Variants in PLD1 observed in about 807,000 individuals in gnomAD.
PLD1 encodes choline phosphatase 1.
A neutral mutation model predicts 137.1 loss-of-function variants in PLD1; 112 were observed. The ratio of observed to expected loss-of-function variants is 0.82; its 90% confidence interval spans 0.70 to 0.96. The LOEUF is 0.96. Among genes scored for constraint, PLD1 ranks in the 40% least tolerant of loss-of-function variants. The pLI, the probability that PLD1 is intolerant of heterozygous loss-of-function variation, is 0.00. For missense variants in PLD1, 1,321 were observed against 1,342.0 expected (o/e 0.98, Z 0.24); for synonymous variants, 431 against 454.7 (o/e 0.95, Z 0.66).
At chr3:171,739,937 C>A (rs1719649547) in intron 1 of PLD1, among the ~76,000 whole-genome samples, 1 of 151,930 alleles carries the variant, frequency 6.6e-6, no homozygotes, top group African/African-American at 2.4e-5. Context: ...AAATAAGTAC[C>A]CTGGGGCAAG....
chr3:171,710,869 G>GTTATTTTTTTTTTT, intron 9 of PLD1, among the ~76,000 whole-genome samples: 1 of 98,656 alleles, frequency 1.0e-5, no homozygotes, highest in African/African-American at 5.5e-5. Flanking sequence ...TAGGAAAACT[G>GTTATTTTTTTTTTT]TTCTTTTTTT....
intron 11 of PLD1, among the ~76,000 whole-genome samples, chr3:171,700,368 G>A (rs186873973): frequency 1.5e-3 from 222 of 145,974 alleles, no homozygotes; most frequent in Middle Eastern, 7.1e-3. Context: ...CCTCTCTTTC[G>A]CTCTCTCTCC....
chr3:171,751,188 C>A (rs9864877), intron 1 of PLD1, among the ~76,000 whole-genome samples: 21,197 of 152,018 alleles, frequency 0.14, 1,546 homozygotes, highest in South Asian at 0.22. Flanking sequence ...CAAATATGAA[C>A]AACAAATATT....
intron 19 of PLD1, among the ~76,000 whole-genome samples, chr3:171,669,163 C>A (rs2108457679): frequency 6.6e-6 from 1 of 152,312 alleles, no homozygotes; most frequent in African/African-American, 2.4e-5. Flanking sequence ...CTCTCCCTGG[C>A]TGGCTGTGTC....
intron 1 of PLD1, among the ~76,000 whole-genome samples, chr3:171,808,397 G>A (rs547072639): frequency 1.6e-4 from 25 of 152,196 alleles, no homozygotes; most frequent in Admixed American, 2.6e-4. Context: ...TCAACCGGGC[G>A]TGGCAGCAGG....
At position 171,646,759 on chromosome 3, in the gene PLD1, G is replaced by A. The variant is rs543180370; in HGVS notation, c.2430-1736C>T. Among the ~76,000 whole-genome samples the A allele has an allele frequency of 9.2e-5, 14 of 151,652 alleles. No homozygotes were observed. In the South Asian group the frequency reaches 2.9e-3, roughly 32 times the overall value. ...ATTTAAAAGTCAAAAAATTAAACTG[G>A]ACAGTTAAAAATGGATGTCATTTGG... is the stretch of plus-strand genomic sequence containing the variant. On this transcript the variant is annotated intron_variant, in intron 21 of 26. Transcript: ENST00000351298.
chr3:171,660,028 G>A (rs1737536963), intron 20 of PLD1, among the ~76,000 whole-genome samples: 1 of 152,170 alleles, frequency 6.6e-6, no homozygotes, highest in Non-Finnish European at 1.5e-5. Flanking sequence ...ATAAAGGAAT[G>A]TGAAAAATTT....
intron 1 of PLD1, among the ~76,000 whole-genome samples, chr3:171,775,478 T>C (rs1174974132): frequency 6.6e-6 from 1 of 152,038 alleles, no homozygotes; most frequent in East Asian, 1.9e-4. Flanking sequence ...TTCTGTAGAG[T>C]GGTTCATTAG....
intron 21 of PLD1, among the ~76,000 whole-genome samples, chr3:171,647,835 T>A (rs75168122): frequency 0.17 from 26,584 of 152,000 alleles, 2,433 homozygotes; most frequent in South Asian, 0.24. Flanking sequence ...CTTTTCAACA[T>A]CCCAGACAGA....
chr3:171,674,218 T>A (rs1196230713), intron 19 of PLD1, among the ~76,000 whole-genome samples: 2 of 152,234 alleles, frequency 1.3e-5, no homozygotes, highest in Admixed American at 1.3e-4. Flanking sequence ...TTACTGGGTA[T>A]CATGTTGCTA....
At chr3:171,703,745 C>T (rs1716436993) in intron 11 of PLD1, among the ~76,000 whole-genome samples, 1 of 152,112 alleles carries the variant, frequency 6.6e-6, no homozygotes, top group Admixed American at 6.6e-5. Flanking sequence ...ATTTTTCTCC[C>T]TTTGATTCCT....
rs1037687773 is a variant in PLD1, at chr3:171,644,912, G to A, written c.2541C>T (p.Tyr847=). 3 of 1,591,224 alleles carry A rather than the reference G, an allele frequency of 1.9e-6. No individual in the cohort carries two copies. In the Admixed American group the frequency reaches 5.0e-5, roughly 27 times the overall value. ...TAGACCATTTAGAGTTTTGGCACCTGTAGTTGAAGTGCATGATTGCCTGTA... is the reference window on the plus strand; with the variant it reads ...TAGACCATTTAGAGTTTTGGCACCTATAGTTGAAGTGCATGATTGCCTGTA... ...NALQAIMHFN[Y]RTMCRGENSI... is the part of the protein sequence containing the mutation. Residue 847 remains tyrosine (Y), a splice_region_variant and synonymous_variant, in exon 22 of 27, where the codon TAC becomes TAT. Coordinates refer to ENST00000351298, the MANE Select transcript of PLD1 (RefSeq NM_002662.5).
intron 1 of PLD1, among the ~76,000 whole-genome samples, chr3:171,762,877 CAT>C (rs1721504100): frequency 6.6e-6 from 1 of 152,304 alleles, no homozygotes; most frequent in African/African-American, 2.4e-5. Context: ...TTCAGTTTAA[CAT>C]GTGTGAGAAC....
chr3:171,805,326 G>A (rs1458170830), intron 1 of PLD1, among the ~76,000 whole-genome samples: 1 of 152,186 alleles, frequency 6.6e-6, no homozygotes, highest in Non-Finnish European at 1.5e-5. Flanking sequence ...AGCAATCCAG[G>A]ATTCTGGAGC....
intron 12 of PLD1, among the ~76,000 whole-genome samples, chr3:171,696,627 T>C (rs1422307192): frequency 2.0e-5 from 3 of 152,226 alleles, no homozygotes; most frequent in Non-Finnish European, 4.4e-5. Context: ...CCTCATACTT[T>C]GCAAAGCTAG....
At chr3:171,763,255 T>C (rs1318169255) in intron 1 of PLD1, among the ~76,000 whole-genome samples, 1 of 151,256 alleles carries the variant, frequency 6.6e-6, no homozygotes, top group African/African-American at 2.4e-5. Context: ...GAAAGAAAGG[T>C]TTATTAAAAA....
chr3:171,800,051 A>T (rs941527269), intron 1 of PLD1, among the ~76,000 whole-genome samples: 5 of 152,198 alleles, frequency 3.3e-5, no homozygotes, highest in African/African-American at 4.8e-5. Flanking sequence ...GGTTTTACTT[A>T]ATAATGCATC....
intron 23 of PLD1, among the ~76,000 whole-genome samples, chr3:171,623,693 G>C (rs1360597866): frequency 6.6e-6 from 1 of 151,922 alleles, no homozygotes; most frequent in African/African-American, 2.4e-5. Context: ...CAGATAAATA[G>C]ACAGATACAC....
At chr3:171,654,938 C>A (rs768789895) in intron 21 of PLD1, among the ~76,000 whole-genome samples, 2 of 151,934 alleles carry the variant, frequency 1.3e-5, no homozygotes, top group Non-Finnish European at 2.9e-5. Context: ...TGAGAAGGAA[C>A]CAGAGGAAGT....
Sources: gnomAD v4.1 joint callset for allele counts (sites outside exome capture counted in the v4.1 genomes callset) on GRCh38, gnomAD v4.1.1 for gene constraint, MANE v1.5 for transcripts, NCBI Gene and HGNC (gene_info 2026-07-23, HGNC 2026-07-21) for gene names.